SGCZ: variants seen among roughly 807,000 people sequenced by gnomAD.
SGCZ encodes the protein sarcoglycan zeta.
A neutral mutation model predicts 41.3 loss-of-function variants in SGCZ; 40 were observed. The ratio of observed to expected loss-of-function variants is 0.97; its 90% CI spans 0.75 to 1.26. SGCZ has a LOEUF of 1.26. Ranked by LOEUF, SGCZ falls within the 50% of genes most tolerant of loss-of-function variation. The probability of loss-of-function intolerance (pLI) is 0.00; values close to 1 mark genes in which losing one functional copy is unlikely to be tolerated. For missense variants in SGCZ, 552 were observed against 369.8 expected (o/e 1.49, Z -4.04); for synonymous variants, 206 against 137.5 (o/e 1.50, Z -3.49).
At chr8:14,434,832 G>A (rs891791781) in intron 2 of SGCZ, among the ~76,000 whole-genome samples, 1 of 152,110 alleles carries the variant, frequency 6.6e-6, no homozygotes, top group Non-Finnish European at 1.5e-5. Flanking sequence ...TGGAGCCTGA[G>A]GTAGGACAAT....
chr8:14,564,517 C>T (rs1804300089), intron 1 of SGCZ, among the ~76,000 whole-genome samples: 1 of 152,068 alleles, frequency 6.6e-6, no homozygotes, highest in South Asian at 2.1e-4. Flanking sequence ...ATTACATTGA[C>T]ATATATAAAG....
intron 1 of SGCZ, among the ~76,000 whole-genome samples, chr8:14,762,891 A>G (rs760082070): frequency 2.0e-5 from 3 of 152,210 alleles, no homozygotes; most frequent in Non-Finnish European, 2.9e-5. Context: ...TTGGAGTTAG[A>G]TAATTTTACA....
intron 1 of SGCZ, among the ~76,000 whole-genome samples, chr8:14,868,597 T>A (rs1430736495): frequency 6.6e-6 from 1 of 152,114 alleles, no homozygotes; most frequent in Non-Finnish European, 1.5e-5. Context: ...CTGAAATTTG[T>A]TTTACATGTA....
chr8:14,817,104 A>T (rs187336035), intron 1 of SGCZ, among the ~76,000 whole-genome samples: 2 of 152,150 alleles, frequency 1.3e-5, no homozygotes, highest in Non-Finnish European at 2.9e-5. Flanking sequence ...TCCCCTTCCC[A>T]GTAGTTATAC....
intron 2 of SGCZ, among the ~76,000 whole-genome samples, chr8:14,355,918 C>T (rs11985517): frequency 0.045 from 6,829 of 152,212 alleles, 505 homozygotes; most frequent in African/African-American, 0.15. Context: ...CCTCCACTTA[C>T]AGTGGTTTCA....
At chr8:14,172,030 G>T (rs987382500) in intron 4 of SGCZ, among the ~76,000 whole-genome samples, 12 of 152,056 alleles carry the variant, frequency 7.9e-5, no homozygotes, top group African/African-American at 2.9e-4. Flanking sequence ...AGAATTGCTT[G>T]CTTTGAAGAG....
At chr8:14,291,839 G>C (rs927118003) in intron 3 of SGCZ, among the ~76,000 whole-genome samples, 2 of 151,894 alleles carry the variant, frequency 1.3e-5, no homozygotes, top group Non-Finnish European at 2.9e-5. Flanking sequence ...GAAAATTCAA[G>C]TCAACTCTAT....
intron 1 of SGCZ, among the ~76,000 whole-genome samples, chr8:14,838,619 G>C (rs903089451): frequency 6.6e-6 from 1 of 152,126 alleles, no homozygotes; most frequent in Non-Finnish European, 1.5e-5. Context: ...TCCCAGTGAA[G>C]GCTCTAGCCT....
At chr8:14,417,577 T>C (rs1285709697) in intron 2 of SGCZ, among the ~76,000 whole-genome samples, 1 of 151,900 alleles carries the variant, frequency 6.6e-6, no homozygotes, top group Non-Finnish European at 1.5e-5. Flanking sequence ...GTTTCTTACA[T>C]TCTAAAATTA....
At chr8:15,169,455 T>A (rs1369695582) in intron 1 of SGCZ, among the ~76,000 whole-genome samples, 1 of 152,158 alleles carries the variant, frequency 6.6e-6, no homozygotes, top group African/African-American at 2.4e-5. Flanking sequence ...TGTTTTCCCC[T>A]TTTCTTCCTT....
intron 1 of SGCZ, among the ~76,000 whole-genome samples, chr8:15,177,891 A>G (rs113707681): frequency 7.2e-5 from 11 of 152,268 alleles, no homozygotes; most frequent in African/African-American, 2.4e-4. Flanking sequence ...ACTCCAGCCT[A>G]AAGTTCAGCC....
At position 14,089,245 on chromosome 8, in the gene SGCZ, T is replaced by C. The variant is rs1204317508; in HGVS notation, c.*1198A>G. Among the ~76,000 whole-genome samples, 1 of 151,990 alleles carries C rather than the reference T, an allele frequency of 6.6e-6. No individual in the cohort carries two copies. Among genetic ancestry groups the C allele is most frequent in the Non-Finnish European group, 1.5e-5 (1 of 67,944 alleles). On this transcript the variant is annotated 3_prime_UTR_variant, in exon 8 of 8. Coordinates refer to ENST00000382080, the MANE Select transcript of SGCZ (RefSeq NM_139167.4). Reference sequence around the variant, plus strand: ...AAGTAAATATATGTTAACAGCTGAATAGAAATGGGACTAAATTCCCTAAAA... The same window carrying C: ...AAGTAAATATATGTTAACAGCTGAACAGAAATGGGACTAAATTCCCTAAAA...
intron 1 of SGCZ, among the ~76,000 whole-genome samples, chr8:14,744,112 A>T (rs1177540379): frequency 7.2e-6 from 1 of 138,242 alleles, no homozygotes; most frequent in Admixed American, 7.5e-5. Flanking sequence ...CTTCTCAAAA[A>T]ATTTAAAAAA....
chr8:14,732,717 C>A (rs1209389576), intron 1 of SGCZ, among the ~76,000 whole-genome samples: 2 of 152,116 alleles, frequency 1.3e-5, no homozygotes, highest in Middle Eastern at 3.4e-3. Context: ...CGGGGGCAAC[C>A]AATATGCACA....
intron 5 of SGCZ, among the ~76,000 whole-genome samples, chr8:14,157,617 G>A (rs1803917399): frequency 6.6e-6 from 1 of 151,632 alleles, no homozygotes; most frequent in African/African-American, 2.4e-5. Flanking sequence ...ATGGTCAGTA[G>A]ATTAAAAAAG....
At chr8:14,260,346 A>G (rs1799613631) in intron 3 of SGCZ, among the ~76,000 whole-genome samples, 1 of 150,426 alleles carries the variant, frequency 6.6e-6, no homozygotes, top group African/African-American at 2.4e-5. Context: ...ACATGAAACA[A>G]TGCTCATCAT....
intron 1 of SGCZ, among the ~76,000 whole-genome samples, chr8:14,863,524 A>G (rs536522373): frequency 6.6e-6 from 1 of 152,206 alleles, no homozygotes; most frequent in South Asian, 2.1e-4. Context: ...TTAATTTCAA[A>G]TAAGTGCCTG....
At chr8:14,956,167 G>C (rs1365455669) in intron 1 of SGCZ, among the ~76,000 whole-genome samples, 5 of 151,200 alleles carry the variant, frequency 3.3e-5, no homozygotes, top group African/African-American at 1.2e-4. Context: ...AGACTCCCGA[G>C]TATCTGGGAC....
chr8:14,741,409 A>G (rs543755374), intron 1 of SGCZ, among the ~76,000 whole-genome samples: 36 of 152,182 alleles, frequency 2.4e-4, no homozygotes, highest in African/African-American at 8.7e-4. Context: ...TTTCCATTCT[A>G]TCCTTTCTCT....
Sources: gnomAD v4.1 joint callset for allele counts (sites outside exome capture counted in the v4.1 genomes callset) on GRCh38, gnomAD v4.1.1 for gene constraint, MANE v1.5 for transcripts, NCBI Gene and HGNC (gene_info 2026-07-23, HGNC 2026-07-21) for gene names.